LRP8: variants seen among roughly 807,000 people sequenced by gnomAD.
LRP8 encodes the protein LDL receptor related protein 8.
In LRP8, 46 loss-of-function variants were observed where a neutral mutation model predicts 111.6. The observed-to-expected ratio is 0.41, with a 90% CI of 0.33 to 0.53. The LOEUF (loss-of-function observed/expected upper bound fraction) is 0.53, where lower values mean the gene tolerates loss of function less well. Ranked by LOEUF, LRP8 falls within the 20% of genes least tolerant of loss-of-function variation. The pLI is 0.20. For missense variants in LRP8, 959 were observed against 1,297.4 expected (o/e 0.74, Z 4.01); for synonymous variants, 464 against 511.2 (o/e 0.91, Z 1.24).
intron 2 of LRP8, among the ~76,000 whole-genome samples, chr1:53,302,962 A>C (rs549937064): frequency 6.6e-6 from 1 of 151,726 alleles, no homozygotes; most frequent in East Asian, 1.9e-4. Flanking sequence ...GCCTGGGAAC[A>C]ACCTGTATGA....
intron 14 of LRP8, 175 bp downstream of exon 14, chr1:53,258,144 C>G (rs1286727169): frequency 5.8e-6 from 3 of 521,638 alleles, no homozygotes; most frequent in Non-Finnish European, 9.9e-6. Flanking sequence ...TGGAAGGATC[C>G]TGGGGGCATG....
At position 53,275,877 on chromosome 1, in the gene LRP8, A is replaced by T; in HGVS notation, c.884-124T>A. The T allele has an allele frequency of 1.6e-6, 2 of 1,246,888 alleles. No homozygotes were observed. Among genetic ancestry groups the T allele is most frequent in the Non-Finnish European group, 2.2e-6 (2 of 903,392 alleles). The allele number at this position is 1,246,888 out of a possible 1,614,324, so 77.2% of individuals were successfully genotyped here. On this transcript the variant is annotated intron_variant, in intron 5 of 18. Transcript: ENST00000306052. This position sits in a 1 kb window ranked among gnomAD's most constrained non-coding sequence, Gnocchi z 4.4. ...AACAGAACCAGTGGCTGAACTCAGG[A>T]GTCCTCAAAGGACACCTGGCCAAGG... is the stretch of plus-strand genomic sequence containing the variant.
chr1:53,272,719 C>T, intron 6 of LRP8: 1 of 1,273,012 alleles, frequency 7.9e-7, no homozygotes, highest in Non-Finnish European at 1.0e-6. Context: ...CCTGGGAAGC[C>T]TCAGACCCTT....
chr1:53,327,341 G>A lies in LRP8; in HGVS notation c.125-349C>T, dbSNP rs578238759. 3.7e-4 allele frequency: 105 copies of A among 284,604 alleles called. 2 individuals are homozygous for A. In the South Asian group the frequency reaches 4.6e-3, roughly 12 times the overall value. 17.6% of individuals were successfully genotyped at this position (284,604 alleles called of 1,614,324 possible). On this transcript the variant is annotated intron_variant, in intron 1 of 18. Transcript: ENST00000306052. ...CGCCCGCGCGCCAGGCGCAGTGGGA[G>A]CCGCAGGCACATCACCCTGGCAGGC...
intron 3 of LRP8, among the ~76,000 whole-genome samples, chr1:53,281,432 C>T (rs541945803): frequency 2.7e-4 from 41 of 152,366 alleles, no homozygotes; most frequent in African/African-American, 6.7e-4. Flanking sequence ...TTCTGCTGGA[C>T]CCATGTGACA....
chr1:53,281,552 T>C (rs993376170), intron 3 of LRP8, among the ~76,000 whole-genome samples: 25 of 152,180 alleles, frequency 1.6e-4, no homozygotes, highest in Non-Finnish European at 7.3e-5. Context: ...CCAGGCATGG[T>C]GCTAGACACT....
Position 53,280,598 on chromosome 1 carries a change from C to T in LRP8, c.485G>A (p.Gly162Asp), listed in dbSNP as rs200937031. 3.1e-6 allele frequency: 5 copies of T among 1,612,566 alleles called. No homozygotes were observed. The African/African-American group carries it at 5.3e-5, about 17-fold the overall frequency. Residue 162 changes from glycine (G) to aspartate (D), a missense_variant, in exon 4 of 19, where the codon GGC becomes GAC. Around this residue, in one of 3 missense-constraint regions of LRP8, gnomAD observed 819 missense variants for 1,097.6 expected, o/e 0.75. Transcript: ENST00000306052. Reference sequence around the variant, plus strand: ...GACCCCAGACTCACAGGTAGCACAGCCGGCCTCATCCGCTCCACCCTCGCA... The same window carrying T: ...GACCCCAGACTCACAGGTAGCACAGTCGGCCTCATCCGCTCCACCCTCGCA... ...KDCEGGADEA[G>D]CATLCAPHEF...
intron 14 of LRP8, 103 bp downstream of exon 14, chr1:53,258,216 G>A: frequency 8.2e-7 from 1 of 1,226,206 alleles, no homozygotes; most frequent in Non-Finnish European, 1.1e-6. Flanking sequence ...AGGGAAGATG[G>A]AAGAAAACCA....
At chr1:53,263,838 G>A (rs1050915321) in intron 10 of LRP8, among the ~76,000 whole-genome samples, 2 of 152,144 alleles carry the variant, frequency 1.3e-5, no homozygotes, top group Non-Finnish European at 2.9e-5. Context: ...CCTGTCTTTG[G>A]AAGTATGTGA....
chr1:53,320,131 C>T (rs568279044), intron 2 of LRP8, among the ~76,000 whole-genome samples: 4 of 152,386 alleles, frequency 2.6e-5, no homozygotes, highest in East Asian at 3.9e-4. Context: ...CTCACTAGCT[C>T]GCTCCCTAAC....
rs1323138010 is a variant in LRP8, at chr1:53,294,853, C to T, written c.245-5164G>A. On this transcript the variant is annotated intron_variant, in intron 2 of 18. Coordinates refer to ENST00000306052, the MANE Select transcript of LRP8 (RefSeq NM_004631.5). The surrounding 1 kb of genome is among the most constrained non-coding windows in gnomAD (Gnocchi z 4.1). The stretch of plus-strand genomic sequence containing the variant: ...GACAGTATACATCCTTCCCATGCTG[C>T]TCCCCACCCACACGCATCGTGGAGC... Among the ~76,000 whole-genome samples the T allele has an allele frequency of 6.6e-6, 1 of 152,264 alleles. No homozygotes were observed. Among genetic ancestry groups the T allele is most frequent in the African/African-American group, 2.4e-5 (1 of 41,468 alleles).
Position 53,275,088 on chromosome 1 carries a change from G to A in LRP8, c.1006+543C>T, listed in dbSNP as rs971973103. On this transcript the variant is annotated intron_variant, in intron 6 of 18. Transcript: ENST00000306052. The surrounding 1 kb of genome is among the most constrained non-coding windows in gnomAD (Gnocchi z 4.4). Reference sequence around the variant, plus strand: ...ATCTTGCAGGACTCAGGTCCTAGGAGGACCAGGCAGCAGCTCTAGAGAGAC... The same window carrying A: ...ATCTTGCAGGACTCAGGTCCTAGGAAGACCAGGCAGCAGCTCTAGAGAGAC... 2.6e-5 allele frequency among the ~76,000 whole-genome samples: 4 copies of A among 152,190 alleles called. No homozygotes were observed. The highest frequency in any genetic ancestry group is 1.3e-4 in the Admixed American group (2 of 15,290).
intron 2 of LRP8, among the ~76,000 whole-genome samples, chr1:53,292,516 A>T (rs1180436525): frequency 5.9e-5 from 9 of 152,326 alleles, no homozygotes; most frequent in African/African-American, 1.7e-4. Context: ...GTCCATAATC[A>T]TCTTAAAGTA....
intron 3 of LRP8, among the ~76,000 whole-genome samples, chr1:53,284,996 G>C (rs1003752465): frequency 3.9e-5 from 6 of 152,180 alleles, no homozygotes; most frequent in Non-Finnish European, 7.3e-5. Flanking sequence ...TTCCCCCAAA[G>C]GTAGGACTTG....
At position 53,283,395 on chromosome 1, in the gene LRP8, G is replaced by A. The variant is rs140352703; in HGVS notation, c.368-2680C>T. On this transcript the variant is annotated intron_variant, in intron 3 of 18. Transcript: ENST00000306052. ...AATTCCGGGGGTGCCATTCACAAAG[G>A]TCATCACATAAGTGGCATACCCGGG... Among the ~76,000 whole-genome samples, 417 of 151,736 alleles carry A rather than the reference G, an allele frequency of 2.7e-3. 2 individuals carry two copies. The highest frequency in any genetic ancestry group is 9.6e-3 in the African/African-American group (397 of 41,338).
chr1:53,306,508 C>T (rs187954653), intron 2 of LRP8, among the ~76,000 whole-genome samples: 38 of 152,342 alleles, frequency 2.5e-4, no homozygotes, highest in Admixed American at 2.2e-3. Flanking sequence ...CAGCTCTACC[C>T]CCCGAGCTGC....
intron 2 of LRP8, among the ~76,000 whole-genome samples, chr1:53,321,624 C>T (rs74083933): frequency 2.3e-3 from 351 of 152,298 alleles, no homozygotes; most frequent in African/African-American, 5.5e-3. Flanking sequence ...GTTGTCAAGT[C>T]GGCCACCAGC....
intron 2 of LRP8, among the ~76,000 whole-genome samples, chr1:53,295,996 C>T (rs1649642117): frequency 6.6e-6 from 1 of 152,128 alleles, no homozygotes; most frequent in African/African-American, 2.4e-5. Flanking sequence ...CCCACTAGGC[C>T]ATAAAAAATA....
Position 53,275,414 on chromosome 1 carries a change from G to T in LRP8, c.1006+217C>A, listed in dbSNP as rs1012917629. Among the ~76,000 whole-genome samples, 1 of 152,176 alleles carries T rather than the reference G, an allele frequency of 6.6e-6. No homozygotes were observed. Among genetic ancestry groups the T allele is most frequent in the Non-Finnish European group, 1.5e-5 (1 of 68,040 alleles). ...CAAGTGCTCTGTCATGTCCCCCTAG[G>T]TGTCTTTCAGCTTTGGCAAAGTCCT... On this transcript the variant is annotated intron_variant, in intron 6 of 18. Transcript: ENST00000306052. The surrounding 1 kb of genome is among the most constrained non-coding windows in gnomAD (Gnocchi z 4.4).
Sources: allele counts gnomAD v4.1 joint callset (sites outside exome capture counted in the v4.1 genomes callset), GRCh38; gene constraint gnomAD v4.1.1; regional missense constraint gnomAD v4.1.1; non-coding constraint Gnocchi (gnomAD v3.1); transcripts MANE v1.5; gene names NCBI Gene and HGNC (gene_info 2026-07-23, HGNC 2026-07-21).